The following ZDHHC13 variants were observed in gnomAD, a reference collection of about 807,000 sequenced individuals.
The protein encoded by ZDHHC13 is palmitoyltransferase ZDHHC13.
ZDHHC13 carries 85 observed loss-of-function variants against 86.0 expected under a neutral mutation model. The ratio of observed to expected loss-of-function variants is 0.99; its 90% confidence interval spans 0.83 to 1.18. ZDHHC13 has a LOEUF of 1.18. ZDHHC13 is among the 50% of genes most tolerant of loss of function. The probability of loss-of-function intolerance (pLI) is 0.00; values close to 1 mark genes in which losing one functional copy is unlikely to be tolerated. For missense variants in ZDHHC13, 711 were observed against 730.2 expected (o/e 0.97, Z 0.30); for synonymous variants, 263 against 246.4 (o/e 1.07, Z -0.63).
chr11:19,152,142 TATTATTTTGAGA>T lies in ZDHHC13; in HGVS notation c.585-15_585-4del. ...TCTCTGTTAATGCCTCTTGGTATTT[TATTATTTTGAGA>T]CAGGCCAGAACCAACTGGATTTCTT... On this transcript the variant is annotated splice_polypyrimidine_tract_variant and splice_region_variant and intron_variant, in intron 6 of 16. Coordinates refer to ENST00000446113, the MANE Select transcript of ZDHHC13 (RefSeq NM_019028.3). 6.2e-7 allele frequency: 1 copy of T among 1,608,720 alleles called. No homozygotes were observed. The highest frequency in any genetic ancestry group is 8.5e-7 in the Non-Finnish European group (1 of 1,177,050).
At chr11:19,141,680 T>C (rs1304176850) in intron 1 of ZDHHC13, among the ~76,000 whole-genome samples, 1 of 151,514 alleles carries the variant, frequency 6.6e-6, no homozygotes, top group Non-Finnish European at 1.5e-5. Flanking sequence ...GTGGGCTTTT[T>C]TTTTTTTTTT....
intron 14 of ZDHHC13, chr11:19,169,686 C>T (rs1850167907): frequency 1.0e-6 from 1 of 985,470 alleles, no homozygotes; most frequent in Non-Finnish European, 1.2e-6. Context: ...CTTGTTTCTG[C>T]TGCTTCCTGT....
intron 1 of ZDHHC13, among the ~76,000 whole-genome samples, chr11:19,140,958 C>G (rs1849302143): frequency 1.3e-5 from 2 of 150,954 alleles, no homozygotes; most frequent in South Asian, 4.2e-4. Flanking sequence ...GGAGATATAC[C>G]TAATGTAGAT....
chr11:19,149,152 A>C lies in ZDHHC13; in HGVS notation c.375-35A>C, dbSNP rs763286846. 18 of 1,444,182 alleles carry C rather than the reference A, an allele frequency of 1.2e-5. No individual in the cohort carries two copies. The East Asian group carries it at 3.7e-4, about 30-fold the overall frequency. The allele number at this position is 1,444,182 out of a possible 1,614,324, so 89.5% of individuals were successfully genotyped here. On this transcript the variant is annotated intron_variant, in intron 4 of 16. Transcript: ENST00000446113. Reference sequence around the variant, plus strand: ...CTCCCTGACTTTTTGCTTTTTCTGCATGCTACAGAATGGCTTTTTGTCTTC... The same window carrying C: ...CTCCCTGACTTTTTGCTTTTTCTGCCTGCTACAGAATGGCTTTTTGTCTTC...
intron 14 of ZDHHC13, chr11:19,169,541 C>T: frequency 1.0e-6 from 1 of 985,438 alleles, no homozygotes; most frequent in Non-Finnish European, 1.2e-6. Context: ...AACTGTTTAT[C>T]AAATTGTCAG....
At chr11:19,124,657 A>G (rs1848832523) in intron 1 of ZDHHC13, among the ~76,000 whole-genome samples, 1 of 152,078 alleles carries the variant, frequency 6.6e-6, no homozygotes, top group Non-Finnish European at 1.5e-5. Context: ...ATTGAATATA[A>G]TTACTGTGAT....
intron 1 of ZDHHC13, among the ~76,000 whole-genome samples, chr11:19,140,219 GA>G (rs1377369014): frequency 1.3e-5 from 2 of 151,352 alleles, no homozygotes; most frequent in Non-Finnish European, 2.9e-5. Context: ...AAATTTACAA[GA>G]AAAAAACAAA....
At chr11:19,164,220 GA>G in intron 11 of ZDHHC13, 80 bp from the exon 12 acceptor site, 3 of 1,415,674 alleles carry the variant, frequency 2.1e-6, no homozygotes, top group Non-Finnish European at 2.9e-6. Context: ...TTTGGAGCGA[GA>G]ACTGTGAGAA....
chr11:19,166,206 G>A (rs72904135), intron 13 of ZDHHC13, 96 bp from the exon 14 acceptor site: 11,945 of 944,144 alleles, frequency 0.013, 118 homozygotes, highest in Non-Finnish European at 0.016. Flanking sequence ...TTTTACTTTG[G>A]TGAAGACTTT....
intron 1 of ZDHHC13, among the ~76,000 whole-genome samples, chr11:19,138,755 C>G (rs1247054678): frequency 5.3e-5 from 8 of 151,676 alleles, no homozygotes; most frequent in African/African-American, 1.7e-4. Flanking sequence ...AAGGCTGGTT[C>G]AATATACGCA....
chr11:19,148,313 A>G (rs546386898), intron 4 of ZDHHC13, among the ~76,000 whole-genome samples: 7 of 152,070 alleles, frequency 4.6e-5, no homozygotes, highest in African/African-American at 1.7e-4. Context: ...TGTTCATGTA[A>G]GTCAAGGAGT....
chr11:19,166,396 A>G lies in ZDHHC13; in HGVS notation c.1474+11A>G, dbSNP rs770911334. On this transcript the variant is annotated intron_variant, in intron 14 of 16. Coordinates refer to ENST00000446113, the MANE Select transcript of ZDHHC13 (RefSeq NM_019028.3). Reference sequence around the variant, plus strand: ...ATGGATCTTTCATCTGTAAGTGTAAATTTTTCTTACAACAAGCACATACAT... The same window carrying G: ...ATGGATCTTTCATCTGTAAGTGTAAGTTTTTCTTACAACAAGCACATACAT... 1.3e-6 allele frequency: 2 copies of G among 1,598,774 alleles called. No homozygotes were observed. Among genetic ancestry groups the G allele is most frequent in the Admixed American group, 1.7e-5 (1 of 58,402 alleles).
intron 14 of ZDHHC13, chr11:19,168,309 CTCTCT>C (rs1565042961): frequency 6.6e-6 from 1 of 152,174 alleles, no homozygotes; most frequent in East Asian, 1.9e-4. Context: ...CCACTCCTGC[CTCTCT>C]TCTCTTCTCT....
chr11:19,172,593 G>T, intron 15 of ZDHHC13, 130 bp from the exon 16 acceptor site: 9 of 584,222 alleles, frequency 1.5e-5, no homozygotes, highest in South Asian at 9.3e-5. Flanking sequence ...CTTTTTCTTT[G>T]TCCCTTTTCA....
At chr11:19,169,988 C>G (rs891077141) in intron 14 of ZDHHC13, 1 of 998,770 alleles carries the variant, frequency 1.0e-6, no homozygotes, top group Non-Finnish European at 1.2e-6. Flanking sequence ...ATATCTTGTG[C>G]CCACAGCAAT....
intron 1 of ZDHHC13, among the ~76,000 whole-genome samples, chr11:19,125,905 T>G (rs1480061280): frequency 2.0e-5 from 3 of 152,134 alleles, no homozygotes; most frequent in Non-Finnish European, 4.4e-5. Context: ...AACAGATCAG[T>G]GGTTGCCAAG....
Position 19,163,433 on chromosome 11 carries a change from A to T in ZDHHC13, c.1233+6A>T. The T allele has an allele frequency of 1.9e-6, 3 of 1,579,736 alleles. No homozygotes were observed. Among genetic ancestry groups the T allele is most frequent in the Non-Finnish European group, 2.6e-6 (3 of 1,168,550 alleles). ...CTGAAGAAGAAAAGAAAGTGGTGAG[A>T]TTTCTTCGTTACTGATATTTTTAAT... is the stretch of plus-strand genomic sequence containing the variant. On this transcript the variant is annotated splice_donor_region_variant and intron_variant, in intron 11 of 16. Coordinates refer to ENST00000446113, the MANE Select transcript of ZDHHC13 (RefSeq NM_019028.3).
At position 19,155,803 on chromosome 11, in the gene ZDHHC13, T is replaced by A; in HGVS notation, c.881T>A (p.Leu294Gln). The A allele has an allele frequency of 6.2e-7, 1 of 1,611,584 alleles. No individual in the cohort carries two copies. Among genetic ancestry groups the A allele is most frequent in the Non-Finnish European group, 8.5e-7 (1 of 1,179,482 alleles). Reference sequence around the variant, plus strand: ...TTCTGAATCTCTTAATAGCTCTTCCTGCTGCTGATGCTTTCTGTGATTACC... The same window carrying A: ...TTCTGAATCTCTTAATAGCTCTTCCAGCTGCTGATGCTTTCTGTGATTACC... ...WRWLQKCELF[L>Q]LLMLSVITMW... Residue 294 changes from leucine (L) to glutamine (Q), a missense_variant, in exon 9 of 17, where the codon CTG (leucine) becomes CAG (glutamine). Leu to Gln is a moderately radical substitution (Grantham distance 113). Transcript: ENST00000446113.
intron 1 of ZDHHC13, among the ~76,000 whole-genome samples, chr11:19,123,325 G>A (rs1029516419): frequency 2.6e-5 from 4 of 152,214 alleles, no homozygotes; most frequent in African/African-American, 7.2e-5. Context: ...TGAAAAATCT[G>A]TGTATAAACA....
Sources: allele counts gnomAD v4.1 joint callset (sites outside exome capture counted in the v4.1 genomes callset), GRCh38; gene constraint gnomAD v4.1.1; transcripts MANE v1.5; gene names NCBI Gene and HGNC (gene_info 2026-07-23, HGNC 2026-07-21).